The following PEX5L variants were observed in gnomAD, a reference collection of about 807,000 sequenced individuals.
The protein encoded by PEX5L is PEX5-related protein.
Under a neutral mutation model 84.0 loss-of-function variants are expected in PEX5L, and 30 were observed. That is an observed-to-expected ratio of 0.36 (90% CI 0.27 to 0.48). PEX5L has a LOEUF of 0.48. PEX5L is among the 20% of genes least tolerant of loss of function. The pLI is 0.99. For missense variants in PEX5L, 533 were observed against 754.6 expected (o/e 0.71, Z 3.44); for synonymous variants, 270 against 283.1 (o/e 0.95, Z 0.46).
intron 2 of PEX5L, among the ~76,000 whole-genome samples, chr3:179,910,204 C>CCTGA (rs1764694535): frequency 6.6e-6 from 1 of 152,190 alleles, no homozygotes; most frequent in Admixed American, 6.5e-5. Flanking sequence ...CATGCCATGA[C>CCTGA]CTGACTGTCA....
At chr3:179,812,764 T>C (rs186803708) in intron 10 of PEX5L, among the ~76,000 whole-genome samples, 52 of 151,804 alleles carry the variant, frequency 3.4e-4, no homozygotes, top group Non-Finnish European at 6.6e-4. Context: ...ATTACACACA[T>C]TGTCTTCAAA....
chr3:179,814,528 A>G (rs1004893953), intron 10 of PEX5L, among the ~76,000 whole-genome samples: 1 of 152,204 alleles, frequency 6.6e-6, no homozygotes, highest in Non-Finnish European at 1.5e-5. Flanking sequence ...TCTCAGCACC[A>G]GTATATATAC....
chr3:179,994,999 T>C (rs1787730230), intron 1 of PEX5L, among the ~76,000 whole-genome samples: 1 of 151,376 alleles, frequency 6.6e-6, no homozygotes, highest in Admixed American at 6.6e-5. Flanking sequence ...AACTCCCATC[T>C]ATATATATGT....
chr3:179,997,586 A>C (rs1004729954), intron 1 of PEX5L, among the ~76,000 whole-genome samples: 1 of 152,244 alleles, frequency 6.6e-6, no homozygotes, highest in Non-Finnish European at 1.5e-5. Context: ...GCCACCATCG[A>C]GGACTTGAAA....
intron 4 of PEX5L, chr3:179,881,223 T>TCA (rs1468110343): frequency 6.6e-6 from 1 of 152,398 alleles, no homozygotes; most frequent in Non-Finnish European, 1.5e-5. Flanking sequence ...TTCTGTCTGC[T>TCA]TCTCCCTTGT....
At chr3:179,899,581 G>A (rs1760600604) in intron 2 of PEX5L, among the ~76,000 whole-genome samples, 1 of 152,100 alleles carries the variant, frequency 6.6e-6, no homozygotes, top group Non-Finnish European at 1.5e-5. Context: ...TTAGAAGGTA[G>A]GTTTACTCTA....
At position 179,855,722 on chromosome 3, in the gene PEX5L, T is replaced by C. The variant is rs972773969; in HGVS notation, c.822+3340A>G. Among the ~76,000 whole-genome samples, 3 of 152,170 alleles carry C rather than the reference T, an allele frequency of 2.0e-5. No homozygotes were observed. The East Asian group carries it at 5.8e-4, about 29-fold the overall frequency. On this transcript the variant is annotated intron_variant, in intron 8 of 14. Coordinates refer to ENST00000467460, the MANE Select transcript of PEX5L (RefSeq NM_016559.3). ...GCGGGGCTGTCATGAATGGGATTAG[T>C]GCCCTTACACAAGAGGCCTGAGGGA...
chr3:179,895,252 A>C (rs188415197), intron 3 of PEX5L, among the ~76,000 whole-genome samples: 3 of 152,108 alleles, frequency 2.0e-5, no homozygotes, highest in South Asian at 2.1e-4. Context: ...ACTTTTTTTG[A>C]TTACTCTCTG....
intron 2 of PEX5L, 194 bp from the exon 3 acceptor site, chr3:179,898,440 GCTA>G (rs1302722591): frequency 4.6e-6 from 2 of 433,660 alleles, no homozygotes; most frequent in Non-Finnish European, 8.1e-6. Context: ...CTTTTAGTTA[GCTA>G]CTTTTTCCCC....
intron 5 of PEX5L, among the ~76,000 whole-genome samples, chr3:179,876,392 G>T (rs1383231738): frequency 6.6e-6 from 1 of 151,920 alleles, no homozygotes; most frequent in East Asian, 1.9e-4. Flanking sequence ...AGCTACTTGG[G>T]AGGCTGAAGC....
intron 2 of PEX5L, among the ~76,000 whole-genome samples, chr3:179,969,077 G>A (rs1231973658): frequency 6.6e-6 from 1 of 152,010 alleles, no homozygotes; most frequent in African/African-American, 2.4e-5. Flanking sequence ...TCACATGACT[G>A]ATAAAATGGC....
intron 2 of PEX5L, among the ~76,000 whole-genome samples, chr3:179,938,480 T>C (rs1432978529): frequency 6.6e-6 from 1 of 152,230 alleles, no homozygotes; most frequent in Admixed American, 6.5e-5. Context: ...TACAAACCTC[T>C]AAACTATCAT....
intron 2 of PEX5L, among the ~76,000 whole-genome samples, chr3:179,932,037 CTTAT>C (rs1431339158): frequency 1.3e-5 from 2 of 152,034 alleles, no homozygotes; most frequent in African/African-American, 2.4e-5. Flanking sequence ...TTATCCTAAT[CTTAT>C]TTAGAGTTAT....
intron 8 of PEX5L, among the ~76,000 whole-genome samples, chr3:179,821,038 A>C (rs933343215): frequency 1.3e-5 from 2 of 152,174 alleles, no homozygotes; most frequent in African/African-American, 4.8e-5. Context: ...GGAAATAGAA[A>C]GTGAATTTCA....
chr3:179,808,128 G>A, intron 13 of PEX5L, 144 bp downstream of exon 13: 1 of 637,134 alleles, frequency 1.6e-6, no homozygotes, highest in Non-Finnish European at 2.6e-6. Context: ...AACAGCCACA[G>A]TAGCACATTA....
At chr3:179,814,089 G>T (rs1423107663) in intron 10 of PEX5L, among the ~76,000 whole-genome samples, 18 of 151,726 alleles carry the variant, frequency 1.2e-4, no homozygotes. Context: ...CCAAAGTGCT[G>T]AGATTACAGG....
intron 1 of PEX5L, among the ~76,000 whole-genome samples, chr3:180,021,450 AGTGGG>A (rs964049843): frequency 3.9e-5 from 6 of 152,218 alleles, no homozygotes; most frequent in African/African-American, 1.2e-4. Flanking sequence ...ACAGGGCTGC[AGTGGG>A]GTCCAGGAAT....
intron 1 of PEX5L, among the ~76,000 whole-genome samples, chr3:180,019,241 G>C (rs994173482): frequency 2.0e-5 from 3 of 152,118 alleles, no homozygotes; most frequent in African/African-American, 7.2e-5. Context: ...AGGTCTCTGG[G>C]ATTTTATGTT....
chr3:179,822,204 T>C (rs551834911), intron 8 of PEX5L, among the ~76,000 whole-genome samples: 7 of 152,358 alleles, frequency 4.6e-5, no homozygotes, highest in South Asian at 2.1e-4. Context: ...AATGACTGCA[T>C]ATACTTTCCA....
Sources: gnomAD v4.1 joint callset for allele counts (sites outside exome capture counted in the v4.1 genomes callset) on GRCh38, gnomAD v4.1.1 for gene constraint, MANE v1.5 for transcripts, NCBI Gene and HGNC (gene_info 2026-07-23, HGNC 2026-07-21) for gene names.